RGS8: variants seen among roughly 807,000 people sequenced by gnomAD.
The protein encoded by RGS8 is regulator of G-protein signaling 8.
RGS8 carries 8 observed loss-of-function variants against 21.7 expected under a neutral mutation model. The ratio of observed to expected loss-of-function variants is 0.37; its 90% CI spans 0.22 to 0.66. RGS8 has a LOEUF of 0.66. Ranked by LOEUF, RGS8 falls within the 30% of genes least tolerant of loss-of-function variation. RGS8 has a pLI of 0.59. For missense variants in RGS8, 157 were observed against 217.9 expected (o/e 0.72, Z 1.76); for synonymous variants, 80 against 83.6 (o/e 0.96, Z 0.24).
chr1:182,653,877 C>T (rs1663141315), intron 5 of RGS8, among the ~76,000 whole-genome samples: 1 of 152,136 alleles, frequency 6.6e-6, no homozygotes, highest in African/African-American at 2.4e-5. Context: ...TGTATGAATG[C>T]AGGAAAGTTT....
At chr1:182,732,745 AG>A in the RGS8 span, among the ~76,000 whole-genome samples, 1 of 152,228 alleles carries the variant, frequency 6.6e-6, no homozygotes, top group Middle Eastern at 3.2e-3. Flanking sequence ...ATGCTATAGA[AG>A]GACAAAGAAA....
At chr1:182,667,994 C>A (rs1389679423) in intron 3 of RGS8, among the ~76,000 whole-genome samples, 1 of 152,118 alleles carries the variant, frequency 6.6e-6, no homozygotes, top group East Asian at 1.9e-4. Flanking sequence ...CCTCTGCTAA[C>A]CTTTAATCGG....
chr1:182,701,734 A>G, the RGS8 span, among the ~76,000 whole-genome samples: 4 of 152,312 alleles, frequency 2.6e-5, no homozygotes, highest in African/African-American at 9.6e-5. Context: ...GGCCCAGTCA[A>G]TCTTTGAGCT....
chr1:182,659,872 C>G lies in RGS8; in HGVS notation c.193+6097G>C, dbSNP rs891492894. 5.3e-5 allele frequency among the ~76,000 whole-genome samples: 8 copies of G among 152,022 alleles called. No homozygotes were observed. The East Asian group carries it at 1.2e-3, about 22-fold the overall frequency. ...CTTCTGGGCTTTTAAAAACTACATC[C>G]TCAATGGAATTCCCTCACATGCATG... is the stretch of plus-strand genomic sequence containing the variant. On this transcript the variant is annotated intron_variant, in intron 5 of 6. Coordinates refer to ENST00000483095, the Ensembl canonical transcript of RGS8.
chr1:182,666,101 G>T, intron 4 of RGS8, 68 bp from the exon 6 acceptor site: 1 of 1,397,742 alleles, frequency 7.2e-7, no homozygotes, highest in Non-Finnish European at 1.0e-6. Context: ...CAACCGCTAA[G>T]ATTTGCTCAA....
chr1:182,745,840 T>G, the RGS8 span, among the ~76,000 whole-genome samples: 1 of 152,170 alleles, frequency 6.6e-6, no homozygotes, highest in South Asian at 2.1e-4. Context: ...CACATGTACA[T>G]CACTTTCTCC....
At chr1:182,670,822 C>T (rs1347800423) in intron 2 of RGS8, among the ~76,000 whole-genome samples, 1 of 152,048 alleles carries the variant, frequency 6.6e-6, no homozygotes, top group Non-Finnish European at 1.5e-5. Context: ...GATTGTGTTC[C>T]CTGGCTGCAG....
downstream of RGS8, chr1:182,643,524 C>CAAGGTCGTG (rs1662571303): frequency 6.6e-6 from 1 of 152,040 alleles, no homozygotes; most frequent in African/African-American, 2.4e-5. Context: ...AAGGAGCAGC[C>CAAGGTCGTG]AAGGTCGTGA....
chr1:182,732,382 C>T, the RGS8 span, among the ~76,000 whole-genome samples: 3 of 151,914 alleles, frequency 2.0e-5, no homozygotes, highest in South Asian at 6.2e-4. Flanking sequence ...TCAAACAGAA[C>T]TTGTCCAACA....
At chr1:182,742,765 C>CAGGGACAGGGAG in the RGS8 span, among the ~76,000 whole-genome samples, 1 of 151,828 alleles carries the variant, frequency 6.6e-6, no homozygotes, top group African/African-American at 2.4e-5. Context: ...GGGACAGGGA[C>CAGGGACAGGGAG]AGGGACAGGG....
chr1:182,667,037 C>T (rs1468069889), intron 3 of RGS8, 64 bp from the exon 5 acceptor site: 3 of 1,354,790 alleles, frequency 2.2e-6, no homozygotes, highest in East Asian at 2.3e-5. Flanking sequence ...CAGCTCTATA[C>T]AGGGCCCCTG....
the RGS8 span, among the ~76,000 whole-genome samples, chr1:182,696,876 T>A: frequency 6.6e-6 from 1 of 152,238 alleles, no homozygotes; most frequent in Non-Finnish European, 1.5e-5. Flanking sequence ...GTGGATCAGC[T>A]GAGACTGGTT....
chr1:182,717,166 G>C, the RGS8 span, among the ~76,000 whole-genome samples: 1 of 152,156 alleles, frequency 6.6e-6, no homozygotes, highest in Admixed American at 6.5e-5. Flanking sequence ...CTGAGAAAAT[G>C]CCTGGTACAT....
chr1:182,676,212 T>C (rs1039105414), upstream of RGS8, among the ~76,000 whole-genome samples: 1 of 152,180 alleles, frequency 6.6e-6, no homozygotes, highest in Non-Finnish European at 1.5e-5. Context: ...AAATTGAAGA[T>C]AAAGGGAGTT....
chr1:182,741,778 C>T, the RGS8 span, among the ~76,000 whole-genome samples: 3 of 101,600 alleles, frequency 3.0e-5, no homozygotes, highest in Non-Finnish European at 6.9e-5. Context: ...CCCTCCCGGA[C>T]GGGGCGGCTG....
the RGS8 span, among the ~76,000 whole-genome samples, chr1:182,736,343 C>T: frequency 6.6e-6 from 1 of 152,186 alleles, no homozygotes; most frequent in African/African-American, 2.4e-5. Context: ...TACTAGTTAG[C>T]TATGAACTTT....
At chr1:182,694,984 T>G in the RGS8 span, among the ~76,000 whole-genome samples, 1 of 152,108 alleles carries the variant, frequency 6.6e-6, no homozygotes. Context: ...TGAAGAAACA[T>G]ATACACACTA....
the RGS8 span, among the ~76,000 whole-genome samples, chr1:182,691,035 T>C: frequency 6.6e-6 from 1 of 152,206 alleles, no homozygotes; most frequent in Non-Finnish European, 1.5e-5. Flanking sequence ...TCACAGCCAG[T>C]CTGCTGCCAG....
chr1:182,668,785 C>T (rs550128821), intron 3 of RGS8, among the ~76,000 whole-genome samples: 19 of 152,336 alleles, frequency 1.2e-4, no homozygotes, highest in African/African-American at 3.8e-4. Context: ...TGTGTCTACT[C>T]GCGCTTGCAA....
Sources: gnomAD v4.1 joint callset for allele counts (sites outside exome capture counted in the v4.1 genomes callset) on GRCh38, gnomAD v4.1.1 for gene constraint, MANE v1.5 for transcripts, NCBI Gene and HGNC (gene_info 2026-07-23, HGNC 2026-07-21) for gene names.